CSMD3: variants seen among roughly 807,000 people sequenced by gnomAD.
CSMD3 encodes CUB and Sushi multiple domains 3, also known as CUB and sushi domain-containing protein 3.
A neutral mutation model predicts 435.2 loss-of-function variants in CSMD3; 177 were observed. The observed-to-expected ratio is 0.41, with a 90% CI of 0.36 to 0.46. CSMD3 has a LOEUF of 0.46. Among genes scored for constraint, CSMD3 ranks in the 20% least tolerant of loss-of-function variants. The pLI is 0.34. For synonymous variants in CSMD3, 1,656 were observed against 1,520.5 expected (o/e 1.09, Z -2.07); for missense variants, 4,265 against 4,504.6 (o/e 0.95, Z 1.52).
intron 8 of CSMD3, among the ~76,000 whole-genome samples, chr8:112,951,515 T>G (rs1401857723): frequency 5.9e-5 from 9 of 151,930 alleles, no homozygotes; most frequent in Non-Finnish European, 1.0e-4. Context: ...TTATTTCAAC[T>G]TATAATATCA....
rs570064459 is a variant in CSMD3, at chr8:112,527,277, G to GAT, written c.4565-10054_4565-10053dup. Among the ~76,000 whole-genome samples the GAT allele has an allele frequency of 1.7e-3, 261 of 151,466 alleles. 2 individuals carry two copies. The highest frequency in any genetic ancestry group is 0.012 in the South Asian group (60 of 4,806). ...AAAAAGATGCTAAAAGGCATCATAT[G>GAT]ATATATATATAGAAAAAGTAAACTT... On this transcript the variant is annotated intron_variant, in intron 27 of 70. Transcript: ENST00000297405.
intron 6 of CSMD3, among the ~76,000 whole-genome samples, chr8:113,016,233 C>T (rs1236565653): frequency 6.6e-6 from 1 of 151,736 alleles, no homozygotes; most frequent in Non-Finnish European, 1.5e-5. Flanking sequence ...GTATTAAAGG[C>T]TTTCTATTTA....
In CSMD3 at chr8:113,231,167, G is replaced by C. The variant is rs76844999; in HGVS notation, c.514+47425C>G. Among the ~76,000 whole-genome samples the C allele has an allele frequency of 2.7e-4, 41 of 151,212 alleles. No individual in the cohort carries two copies. The East Asian group carries it at 8.0e-3, about 29-fold the overall frequency. ...TATATTTTTCCCATAAATTAGACTT[G>C]ATCAGTATGTAAGCTATATATTATT... On this transcript the variant is annotated intron_variant, in intron 3 of 70. Transcript: ENST00000297405.
At chr8:112,561,584 AC>A (rs1274293256) in intron 24 of CSMD3, among the ~76,000 whole-genome samples, 1 of 151,662 alleles carries the variant, frequency 6.6e-6, no homozygotes, top group Non-Finnish European at 1.5e-5. Context: ...TATTCAGATT[AC>A]CATTCATATT....
chr8:112,436,284 T>C (rs544371783), intron 32 of CSMD3, among the ~76,000 whole-genome samples: 1 of 152,000 alleles, frequency 6.6e-6, no homozygotes, highest in South Asian at 2.1e-4. Flanking sequence ...TTAAAGTAAA[T>C]ATAATAAAGT....
chr8:112,506,905 C>G (rs1052846840), intron 28 of CSMD3, 76 bp from the exon 29 acceptor site: 1 of 1,346,594 alleles, frequency 7.4e-7, no homozygotes, highest in Non-Finnish European at 1.0e-6. Flanking sequence ...TTTGAAATCA[C>G]GTCTCTAAAA....
At chr8:113,158,183 A>C (rs1416187988) in intron 4 of CSMD3, among the ~76,000 whole-genome samples, 1 of 104,394 alleles carries the variant, frequency 9.6e-6, no homozygotes, top group Non-Finnish European at 2.3e-5. Context: ...GTTCCAGACC[A>C]AAAAAAAAAA....
chr8:112,611,131 T>C (rs944859807), intron 22 of CSMD3, among the ~76,000 whole-genome samples: 3 of 152,088 alleles, frequency 2.0e-5, no homozygotes, highest in African/African-American at 4.8e-5. Flanking sequence ...TTATGACAAA[T>C]TTTAGCTCAA....
At chr8:112,729,424 A>T (rs2077030932) in intron 13 of CSMD3, among the ~76,000 whole-genome samples, 1 of 152,132 alleles carries the variant, frequency 6.6e-6, no homozygotes, top group Non-Finnish European at 1.5e-5. Context: ...ATGATGATGG[A>T]GTATAAGCAA....
At chr8:112,428,080 C>T (rs1233418105) in intron 32 of CSMD3, among the ~76,000 whole-genome samples, 2 of 152,148 alleles carry the variant, frequency 1.3e-5, no homozygotes, top group Non-Finnish European at 2.9e-5. Context: ...TTTCTAAAGT[C>T]TATCTAGAAT....
At chr8:113,001,080 C>T (rs757144407) in intron 6 of CSMD3, among the ~76,000 whole-genome samples, 17 of 151,976 alleles carry the variant, frequency 1.1e-4, no homozygotes, top group Non-Finnish European at 2.1e-4. Flanking sequence ...TATAGTAAAT[C>T]TGCCTTCTCT....
chr8:112,737,603 C>T (rs1206454478), intron 13 of CSMD3, among the ~76,000 whole-genome samples: 3 of 151,876 alleles, frequency 2.0e-5, no homozygotes, highest in Non-Finnish European at 2.9e-5. Context: ...TCATTAATAG[C>T]ATCCCATATC....
At chr8:113,255,216 A>T (rs949310576) in intron 3 of CSMD3, among the ~76,000 whole-genome samples, 15 of 152,264 alleles carry the variant, frequency 9.9e-5, no homozygotes, top group African/African-American at 3.6e-4. Flanking sequence ...TTCAATACAT[A>T]TTGAAAAAGT....
intron 35 of CSMD3, among the ~76,000 whole-genome samples, chr8:112,400,737 G>C (rs1831259050): frequency 1.3e-5 from 2 of 152,140 alleles, no homozygotes; most frequent in Admixed American, 6.6e-5. Flanking sequence ...TACTTGCTAA[G>C]ATAAATCCTT....
At chr8:112,846,677 C>CT (rs1212379956) in intron 11 of CSMD3, among the ~76,000 whole-genome samples, 1 of 151,904 alleles carries the variant, frequency 6.6e-6, no homozygotes, top group African/African-American at 2.4e-5. Flanking sequence ...CCCAAAGTAG[C>CT]TCCCAGGTAT....
At chr8:113,351,752 T>C (rs1350495469) in intron 1 of CSMD3, among the ~76,000 whole-genome samples, 2 of 152,276 alleles carry the variant, frequency 1.3e-5, no homozygotes, top group East Asian at 3.9e-4. Flanking sequence ...GCATCTTCTT[T>C]ATAAAAGTGG....
At chr8:113,431,107 GC>G (rs1206226336) in intron 1 of CSMD3, among the ~76,000 whole-genome samples, 1 of 152,156 alleles carries the variant, frequency 6.6e-6, no homozygotes. Flanking sequence ...AGAAAACCTT[GC>G]AGGCATGGAG....
chr8:112,804,899 G>C (rs1343375499), intron 12 of CSMD3, among the ~76,000 whole-genome samples: 1 of 151,948 alleles, frequency 6.6e-6, no homozygotes, highest in Non-Finnish European at 1.5e-5. Flanking sequence ...TCTTGACCTC[G>C]TGATCTGCCC....
At chr8:112,273,411 A>G (rs1010532322) in intron 59 of CSMD3, among the ~76,000 whole-genome samples, 2 of 152,150 alleles carry the variant, frequency 1.3e-5, no homozygotes, top group Admixed American at 1.3e-4. Flanking sequence ...TTAGCCATAC[A>G]GTTGTAGGCC....
Sources: gnomAD v4.1 joint callset for allele counts (sites outside exome capture counted in the v4.1 genomes callset) on GRCh38, gnomAD v4.1.1 for gene constraint, MANE v1.5 for transcripts, NCBI Gene and HGNC (gene_info 2026-07-23, HGNC 2026-07-21) for gene names.